UTP20: variants seen among roughly 807,000 people sequenced by gnomAD.
The protein encoded by UTP20 is small subunit processome component 20 homolog.
In UTP20, 164 loss-of-function variants were observed where a neutral mutation model predicts 329.5. The ratio of observed to expected loss-of-function variants is 0.50; its 90% CI spans 0.44 to 0.57. UTP20 has a LOEUF of 0.57. UTP20 is among the 20% of genes least tolerant of loss of function. The pLI, the probability that UTP20 is intolerant of heterozygous loss-of-function variation, is 0.00. For missense variants in UTP20, 3,055 were observed against 3,284.2 expected (o/e 0.93, Z 1.71); for synonymous variants, 1,151 against 1,159.3 (o/e 0.99, Z 0.14).
At chr12:101,317,395 G>T (rs1323809025) in intron 21 of UTP20, 83 bp from the exon 22 acceptor site, 4 of 1,435,302 alleles carry the variant, frequency 2.8e-6, no homozygotes, top group Non-Finnish European at 2.9e-6. Flanking sequence ...GTGAACTGTG[G>T]ACATCTCTCA....
intron 45 of UTP20, 124 bp from the exon 46 acceptor site, chr12:101,365,335 C>A (rs1231807468): frequency 4.6e-6 from 3 of 651,188 alleles, no homozygotes; most frequent in Non-Finnish European, 7.7e-6. Context: ...ATTAAGAATG[C>A]TTTTTAATTA....
Position 101,312,021 on chromosome 12 carries a change from C to G in UTP20, c.2312-15C>G. 6.8e-6 allele frequency: 11 copies of G among 1,613,866 alleles called. No homozygotes were observed. Among genetic ancestry groups the G allele is most frequent in the Non-Finnish European group, 9.3e-6 (11 of 1,179,818 alleles). ...GATATTTGTCTGGTGGTTATGACAA[C>G]TTTCTTTCTTGCAGAGAAGGAACTA... On this transcript the variant is annotated splice_polypyrimidine_tract_variant and intron_variant, in intron 20 of 61. Coordinates refer to ENST00000261637, the MANE Select transcript of UTP20 (RefSeq NM_014503.3).
At chr12:101,358,337 A>T (rs1440097262) in intron 43 of UTP20, among the ~76,000 whole-genome samples, 2 of 152,228 alleles carry the variant, frequency 1.3e-5, no homozygotes, top group Non-Finnish European at 2.9e-5. Context: ...CTCTTTATGT[A>T]TTAACGTCTC....
chr12:101,343,055 C>G lies in UTP20; in HGVS notation c.4411C>G (p.Leu1471Val). The change falls in exon 35 of 62, where the codon CTA becomes GTA. Residue 1471 changes from leucine to valine, a missense_variant. Coordinates refer to ENST00000261637, the MANE Select transcript of UTP20 (RefSeq NM_014503.3). ...KEMQIVDVNY[L>V]IPVMHNCFYN... ...AATGCAAATTGTGGATGTTAACTAC[C>G]TAATTCCAGTTATGCATAATTGTTT... The G allele has an allele frequency of 6.2e-7, 1 of 1,611,678 alleles. No homozygotes were observed. The highest frequency in any genetic ancestry group is 8.5e-7 in the Non-Finnish European group (1 of 1,178,262).
chr12:101,365,072 TTGTGTGTGTGTGTGTGTG>T (rs60890980), intron 45 of UTP20, among the ~76,000 whole-genome samples: 7 of 142,008 alleles, frequency 4.9e-5, no homozygotes, highest in South Asian at 2.3e-4. Context: ...ATTTTGTTGA[TTGTGTGTGTGTGTGTGTG>T]TGTGTGTGTG....
chr12:101,325,625 T>C (rs1868528505), intron 25 of UTP20, among the ~76,000 whole-genome samples: 1 of 152,230 alleles, frequency 6.6e-6, no homozygotes. Context: ...AAAATACTTT[T>C]GCTGTGCATG....
chr12:101,344,817 C>T, intron 36 of UTP20, 67 bp downstream of exon 36: 1 of 1,445,326 alleles, frequency 6.9e-7, no homozygotes, highest in Admixed American at 1.9e-5. Context: ...CCCACGTTTG[C>T]TACTGTTGTA....
chr12:101,327,758 G>A (rs1868616429), intron 26 of UTP20, among the ~76,000 whole-genome samples: 1 of 152,194 alleles, frequency 6.6e-6, no homozygotes, highest in Non-Finnish European at 1.5e-5. Flanking sequence ...TGTATACATT[G>A]AGCTAGAGTG....
chr12:101,381,216 G>C lies in UTP20; in HGVS notation c.7656+5G>C. On this transcript the variant is annotated splice_donor_5th_base_variant and intron_variant, in intron 58 of 61. Transcript: ENST00000261637. ...GATCAGTCTCTAGGAGAACAGGTAA[G>C]AATTGTAGTTCTCCCAGTTTAAAAG... The C allele has an allele frequency of 6.2e-7, 1 of 1,610,756 alleles. No individual in the cohort carries two copies. Among genetic ancestry groups the C allele is most frequent in the Non-Finnish European group, 8.5e-7 (1 of 1,176,946 alleles).
At chr12:101,300,718 A>G (rs1872498541) in intron 14 of UTP20, among the ~76,000 whole-genome samples, 1 of 152,222 alleles carries the variant, frequency 6.6e-6, no homozygotes. Context: ...TTTAAAAATC[A>G]CGTGTATATA....
intron 51 of UTP20, among the ~76,000 whole-genome samples, chr12:101,372,596 C>T (rs751219615): frequency 9.9e-5 from 15 of 152,226 alleles, no homozygotes; most frequent in Non-Finnish European, 1.8e-4. Flanking sequence ...AGATCAGCTT[C>T]CAACCTGTGG....
At chr12:101,341,632 C>T (rs1869138666) in intron 32 of UTP20, among the ~76,000 whole-genome samples, 1 of 152,164 alleles carries the variant, frequency 6.6e-6, no homozygotes, top group South Asian at 2.1e-4. Flanking sequence ...ACTGGCAGGG[C>T]ACAGTGGCTC....
At chr12:101,385,808 C>T (rs1593459636) in intron 61 of UTP20, 80 bp downstream of exon 61, 1 of 1,534,662 alleles carries the variant, frequency 6.5e-7, no homozygotes, top group Non-Finnish European at 8.7e-7. Flanking sequence ...CACACTTACA[C>T]TTAGGGAGGA....
intron 52 of UTP20, 106 bp from the exon 53 acceptor site, chr12:101,373,295 T>C: frequency 8.8e-7 from 1 of 1,132,252 alleles, no homozygotes; most frequent in Non-Finnish European, 1.3e-6. Flanking sequence ...CATTTTCCAT[T>C]TTTTTAAGAA....
At chr12:101,349,817 A>G (rs906954660) in intron 38 of UTP20, among the ~76,000 whole-genome samples, 2 of 151,880 alleles carry the variant, frequency 1.3e-5, no homozygotes, top group Non-Finnish European at 2.9e-5. Flanking sequence ...TCCAGTGTAC[A>G]TTATTAGGTC....
At chr12:101,371,523 C>CTTTT (rs58024998) in intron 51 of UTP20, among the ~76,000 whole-genome samples, 8 of 65,388 alleles carry the variant, frequency 1.2e-4, no homozygotes, top group Admixed American at 2.2e-4. Flanking sequence ...GGGCTTTGTT[C>CTTTT]TTTTTTTTTT....
chr12:101,379,618 A>G, intron 57 of UTP20, 60 bp downstream of exon 57: 2 of 1,530,742 alleles, frequency 1.3e-6, no homozygotes, highest in Non-Finnish European at 1.8e-6. Context: ...CTTCTGGTTC[A>G]TGTAACTATC....
chr12:101,369,058 A>G (rs1870194051), intron 48 of UTP20, among the ~76,000 whole-genome samples: 1 of 152,216 alleles, frequency 6.6e-6, no homozygotes. Flanking sequence ...GCACTTAACT[A>G]TATTAAATGA....
intron 31 of UTP20, 102 bp from the exon 32 acceptor site, chr12:101,340,421 C>T: frequency 1.4e-6 from 1 of 694,296 alleles, no homozygotes; most frequent in Admixed American, 2.9e-5. Flanking sequence ...TATTGGAATG[C>T]TAAAACTGTG....
Sources: allele counts gnomAD v4.1 joint callset (sites outside exome capture counted in the v4.1 genomes callset), GRCh38; gene constraint gnomAD v4.1.1; transcripts MANE v1.5; gene names NCBI Gene and HGNC (gene_info 2026-07-23, HGNC 2026-07-21).